The following ARHGAP42 variants were observed in gnomAD, a reference collection of about 807,000 sequenced individuals.
The protein encoded by ARHGAP42 is rho GTPase-activating protein 42.
A neutral mutation model predicts 125.0 loss-of-function variants in ARHGAP42; 63 were observed. The observed-to-expected ratio is 0.50, with a 90% CI of 0.41 to 0.62. ARHGAP42 has a LOEUF of 0.62. Among genes scored for constraint, ARHGAP42 ranks in the 20% least tolerant of loss-of-function variants. The pLI is 0.00. For synonymous variants in ARHGAP42, 339 were observed against 351.0 expected (o/e 0.97, Z 0.38); for missense variants, 766 against 1,024.2 (o/e 0.75, Z 3.44).
At chr11:100,971,820 T>C (rs550774155) in intron 17 of ARHGAP42, among the ~76,000 whole-genome samples, 5 of 152,264 alleles carry the variant, frequency 3.3e-5, no homozygotes, top group East Asian at 1.9e-4. Flanking sequence ...GGTTGTTATA[T>C]ATATAATTTA....
intron 4 of ARHGAP42, among the ~76,000 whole-genome samples, chr11:100,864,555 C>T (rs1263922480): frequency 1.3e-5 from 2 of 152,008 alleles, no homozygotes; most frequent in Admixed American, 1.3e-4. Flanking sequence ...ACATACACAC[C>T]AGAGCATTGC....
chr11:100,969,346 A>G (rs990988542), intron 17 of ARHGAP42, among the ~76,000 whole-genome samples: 3 of 152,008 alleles, frequency 2.0e-5, no homozygotes, highest in African/African-American at 7.2e-5. Flanking sequence ...TATCTTTGCA[A>G]TTATTCTACT....
At chr11:100,753,707 G>C (rs776221186) in intron 1 of ARHGAP42, among the ~76,000 whole-genome samples, 2 of 152,186 alleles carry the variant, frequency 1.3e-5, no homozygotes, top group Non-Finnish European at 2.9e-5. Context: ...TCTTGCTGCT[G>C]TTCCTACTTT....
chr11:100,789,290 G>A (rs1863507878), intron 2 of ARHGAP42, among the ~76,000 whole-genome samples: 1 of 152,210 alleles, frequency 6.6e-6, no homozygotes, highest in Non-Finnish European at 1.5e-5. Context: ...AGTTTTCCTA[G>A]AGATATAACA....
chr11:100,983,857 G>A (rs1265460175), intron 22 of ARHGAP42, among the ~76,000 whole-genome samples: 2 of 152,172 alleles, frequency 1.3e-5, no homozygotes, highest in Non-Finnish European at 1.5e-5. Context: ...TCTGCAACTA[G>A]GCTGGGCATG....
chr11:100,837,685 T>TAA (rs780482436), intron 3 of ARHGAP42, among the ~76,000 whole-genome samples: 1 of 131,424 alleles, frequency 7.6e-6, no homozygotes, highest in Non-Finnish European at 1.6e-5. Context: ...TTTTTTTTTT[T>TAA]TTTTTTTTTT....
intron 1 of ARHGAP42, among the ~76,000 whole-genome samples, chr11:100,717,417 C>T (rs1861681972): frequency 6.6e-6 from 1 of 152,052 alleles, no homozygotes; most frequent in Non-Finnish European, 1.5e-5. Flanking sequence ...GCGGGCGGAT[C>T]ACAAGGTCAG....
chr11:100,946,855 A>G (rs1868034729), intron 10 of ARHGAP42, among the ~76,000 whole-genome samples: 2 of 152,002 alleles, frequency 1.3e-5, no homozygotes, highest in African/African-American at 4.8e-5. Context: ...AATGGTGCTG[A>G]TAGACATGCA....
At chr11:100,850,332 C>G (rs906672354) in intron 3 of ARHGAP42, among the ~76,000 whole-genome samples, 1 of 152,174 alleles carries the variant, frequency 6.6e-6, no homozygotes, top group Non-Finnish European at 1.5e-5. Flanking sequence ...TATCACTGTA[C>G]TGAATACTGT....
intron 17 of ARHGAP42, among the ~76,000 whole-genome samples, chr11:100,969,128 T>C (rs759431140): frequency 2.0e-5 from 3 of 152,192 alleles, no homozygotes; most frequent in Non-Finnish European, 2.9e-5. Context: ...TTTTGCTGGA[T>C]AGAAGATTCT....
At chr11:100,899,592 T>A (rs945679602) in intron 4 of ARHGAP42, among the ~76,000 whole-genome samples, 2 of 152,210 alleles carry the variant, frequency 1.3e-5, no homozygotes, top group African/African-American at 4.8e-5. Flanking sequence ...TTTACCATTA[T>A]GTAATGGACT....
intron 1 of ARHGAP42, among the ~76,000 whole-genome samples, chr11:100,742,069 T>C (rs761216898): frequency 1.3e-5 from 2 of 152,232 alleles, no homozygotes; most frequent in Non-Finnish European, 2.9e-5. Context: ...CCAAACTAGT[T>C]TCTACTCATG....
intron 1 of ARHGAP42, among the ~76,000 whole-genome samples, chr11:100,764,583 G>A (rs1172598211): frequency 6.6e-6 from 1 of 152,178 alleles, no homozygotes; most frequent in Admixed American, 6.5e-5. Flanking sequence ...CTGCTTGTAA[G>A]TAGTAAAACA....
intron 4 of ARHGAP42, among the ~76,000 whole-genome samples, chr11:100,901,456 A>G (rs1348074561): frequency 3.3e-5 from 5 of 152,230 alleles, no homozygotes; most frequent in African/African-American, 9.6e-5. Context: ...ATTGTCAGAT[A>G]GGGACACTGA....
intron 3 of ARHGAP42, among the ~76,000 whole-genome samples, chr11:100,850,046 C>T (rs1483382856): frequency 6.6e-6 from 1 of 152,148 alleles, no homozygotes; most frequent in Non-Finnish European, 1.5e-5. Context: ...CTTACCTCAT[C>T]ATTATATTAT....
intron 4 of ARHGAP42, among the ~76,000 whole-genome samples, chr11:100,864,472 G>A (rs368188045): frequency 1.1e-4 from 17 of 152,180 alleles, no homozygotes; most frequent in Admixed American, 3.3e-4. Flanking sequence ...GTGAGCCACC[G>A]CACCTGGCCT....
chr11:100,687,786 C>T lies in ARHGAP42; in HGVS notation c.108C>T (p.Ile36=), dbSNP rs1032280176. 4.0e-5 allele frequency: 62 copies of T among 1,550,934 alleles called. No individual in the cohort carries two copies. The African/African-American group carries it at 7.5e-4, about 19-fold the overall frequency. The change falls in exon 1 of 24, where the codon ATC becomes ATT. Residue 36 remains isoleucine, a synonymous_variant. Transcript: ENST00000298815. The part of the protein sequence containing the change: ...EIELERTNKF[I]KELIKDGSLL... ...AGCTGGAGCGAACCAACAAGTTCAT[C>T]AAGGAGCTCATTAAGGACGGCTCTC...
chr11:100,803,951 T>G (rs915922138), intron 3 of ARHGAP42, among the ~76,000 whole-genome samples: 1 of 152,204 alleles, frequency 6.6e-6, no homozygotes, highest in African/African-American at 2.4e-5. Flanking sequence ...CACATTTGCC[T>G]TTGACCTGTG....
chr11:100,698,621 C>T (rs1861333409), intron 1 of ARHGAP42, among the ~76,000 whole-genome samples: 2 of 152,044 alleles, frequency 1.3e-5, no homozygotes, highest in South Asian at 2.1e-4. Context: ...GCGGAAGTTG[C>T]GGTGAGCCCA....
Sources: gnomAD v4.1 joint callset for allele counts (sites outside exome capture counted in the v4.1 genomes callset) on GRCh38, gnomAD v4.1.1 for gene constraint, MANE v1.5 for transcripts, NCBI Gene and HGNC (gene_info 2026-07-23, HGNC 2026-07-21) for gene names.